The following NELL1 variants were observed in gnomAD, a reference collection of about 807,000 sequenced individuals.
NELL1 encodes the protein protein kinase C-binding protein NELL1.
In NELL1, 76 loss-of-function variants were observed where a neutral mutation model predicts 107.4. The ratio of observed to expected loss-of-function variants is 0.71; its 90% CI spans 0.59 to 0.86. The LOEUF (loss-of-function observed/expected upper bound fraction) is 0.86. Ranked by LOEUF, NELL1 falls within the 40% of genes least tolerant of loss-of-function variation. The pLI, the probability that NELL1 is intolerant of heterozygous loss-of-function variation, is 0.00. For synonymous variants in NELL1, 353 were observed against 341.2 expected (o/e 1.03, Z -0.38); for missense variants, 1,024 against 1,005.5 (o/e 1.02, Z -0.25).
At chr11:21,377,299 T>A (rs1851503414) in intron 15 of NELL1, among the ~76,000 whole-genome samples, 1 of 152,164 alleles carries the variant, frequency 6.6e-6, no homozygotes, top group African/African-American at 2.4e-5. Context: ...TCTATGGAGA[T>A]AATCATATGG....
intron 15 of NELL1, among the ~76,000 whole-genome samples, chr11:21,501,415 A>G (rs1389259800): frequency 6.6e-6 from 1 of 152,148 alleles, no homozygotes; most frequent in Non-Finnish European, 1.5e-5. Flanking sequence ...CTCCTTGGAT[A>G]CTGTGTTTAA....
At chr11:20,966,852 C>T (rs1480239571) in intron 12 of NELL1, among the ~76,000 whole-genome samples, 3 of 151,854 alleles carry the variant, frequency 2.0e-5, no homozygotes, top group East Asian at 1.9e-4. Context: ...CCCCCTGCCC[C>T]GACACACACA....
rs368949238 is a variant in NELL1 at position 20,783,693 on chromosome 11, G to T, written c.198G>T (p.Glu66Asp). ...CTTGATTCCTAGACATAGAAAGAGA[G>T]ATCCATGCAGCTCCTCATGTGAGTG... ...KAFLFQDIEREIHAAPHVSEK... is the reference protein window; with the variant it reads ...KAFLFQDIERDIHAAPHVSEK... Residue 66 changes from glutamate to aspartate, a missense_variant, in exon 3 of 20, where the codon GAG (glutamate) becomes GAT (aspartate). By Grantham distance (45) the Glu-to-Asp change is conservative (BLOSUM62 2). Coordinates refer to ENST00000357134, the MANE Select transcript of NELL1 (RefSeq NM_006157.5). The T allele has an allele frequency of 6.2e-7, 1 of 1,613,108 alleles. No homozygotes were observed. Among genetic ancestry groups the T allele is most frequent in the Non-Finnish European group, 8.5e-7 (1 of 1,179,626 alleles).
intron 13 of NELL1, among the ~76,000 whole-genome samples, chr11:21,167,713 T>TCTCCAGTGTG (rs1856516953): frequency 6.6e-6 from 1 of 151,856 alleles, no homozygotes; most frequent in Non-Finnish European, 1.5e-5. Flanking sequence ...TGGTCTTCTT[T>TCTCCAGTGTG]TCATTCCTTG....
chr11:20,675,733 G>A (rs1854037994), intron 1 of NELL1, among the ~76,000 whole-genome samples: 1 of 151,790 alleles, frequency 6.6e-6, no homozygotes. Context: ...ATATGATCTG[G>A]CCCTTCTCTC....
intron 12 of NELL1, among the ~76,000 whole-genome samples, chr11:20,981,326 A>G (rs1012724796): frequency 3.9e-5 from 6 of 152,156 alleles, no homozygotes; most frequent in Admixed American, 3.9e-4. Context: ...TAATTTTAGT[A>G]GGAATCATAA....
intron 12 of NELL1, among the ~76,000 whole-genome samples, chr11:21,034,440 TA>T (rs1853038174): frequency 6.6e-6 from 1 of 152,166 alleles, no homozygotes; most frequent in South Asian, 2.1e-4. Context: ...AATAACAGAA[TA>T]TACATTCTTC....
At chr11:21,336,647 G>GTATA (rs1350044303) in intron 14 of NELL1, among the ~76,000 whole-genome samples, 90 of 70,696 alleles carry the variant, frequency 1.3e-3, no homozygotes, top group African/African-American at 3.6e-3. Flanking sequence ...CTTCATATGT[G>GTATA]TGTGTATATA....
chr11:21,270,471 C>T (rs1848717637), intron 14 of NELL1, among the ~76,000 whole-genome samples: 1 of 151,934 alleles, frequency 6.6e-6, no homozygotes, highest in South Asian at 2.1e-4. Context: ...GTTAATTCTC[C>T]AAAAAGATAT....
chr11:20,797,394 C>T (rs1371579632), intron 3 of NELL1, among the ~76,000 whole-genome samples: 2 of 151,780 alleles, frequency 1.3e-5, no homozygotes, highest in African/African-American at 2.4e-5. Flanking sequence ...GAAATCCAGT[C>T]TCTACTAAAA....
intron 14 of NELL1, among the ~76,000 whole-genome samples, chr11:21,290,355 C>T (rs1849222273): frequency 6.7e-6 from 1 of 150,256 alleles, no homozygotes; most frequent in African/African-American, 2.5e-5. Flanking sequence ...GGTGACAGAG[C>T]AAGACGCCAT....
intron 1 of NELL1, among the ~76,000 whole-genome samples, chr11:20,672,232 C>T (rs1853931712): frequency 6.6e-6 from 1 of 152,216 alleles, no homozygotes; most frequent in African/African-American, 2.4e-5. Flanking sequence ...CCACCCTCTT[C>T]TTAGGTAACA....
At chr11:21,082,769 G>C (rs1397285628) in intron 12 of NELL1, among the ~76,000 whole-genome samples, 2 of 152,114 alleles carry the variant, frequency 1.3e-5, no homozygotes, top group South Asian at 2.1e-4. Flanking sequence ...TTCTCACTCT[G>C]TGTCTTAGTC....
At chr11:21,474,848 T>G (rs1413435137) in intron 15 of NELL1, among the ~76,000 whole-genome samples, 3 of 152,200 alleles carry the variant, frequency 2.0e-5, no homozygotes, top group Non-Finnish European at 4.4e-5. Context: ...TAAAATATAC[T>G]AACTTTAACT....
At chr11:21,364,012 CTG>C (rs973300351) in intron 14 of NELL1, among the ~76,000 whole-genome samples, 1 of 152,154 alleles carries the variant, frequency 6.6e-6, no homozygotes, top group Non-Finnish European at 1.5e-5. Flanking sequence ...CATATTGTCT[CTG>C]TTATACCTAC....
intron 12 of NELL1, among the ~76,000 whole-genome samples, chr11:21,101,659 A>G (rs887328923): frequency 2.6e-5 from 4 of 152,126 alleles, no homozygotes; most frequent in African/African-American, 4.8e-5. Flanking sequence ...GTCTGTTCAT[A>G]TCCTTCGCCC....
intron 15 of NELL1, among the ~76,000 whole-genome samples, chr11:21,422,774 CA>C (rs150197560): frequency 2.0e-5 from 3 of 150,938 alleles, no homozygotes; most frequent in African/African-American, 4.9e-5. Context: ...ATATCAGGGA[CA>C]AAAAAAATTA....
intron 15 of NELL1, among the ~76,000 whole-genome samples, chr11:21,496,851 C>T (rs1175574985): frequency 6.6e-6 from 1 of 152,046 alleles, no homozygotes; most frequent in African/African-American, 2.4e-5. Flanking sequence ...GTTCAATTCC[C>T]ACCTATGAGT....
intron 15 of NELL1, among the ~76,000 whole-genome samples, chr11:21,496,688 G>T (rs1014765277): frequency 6.6e-6 from 1 of 152,114 alleles, no homozygotes; most frequent in Non-Finnish European, 1.5e-5. Context: ...GGTTACAGGC[G>T]TGAGCCACAG....
Sources: gnomAD v4.1 joint callset for allele counts (sites outside exome capture counted in the v4.1 genomes callset) on GRCh38, gnomAD v4.1.1 for gene constraint, MANE v1.5 for transcripts, NCBI Gene and HGNC (gene_info 2026-07-23, HGNC 2026-07-21) for gene names.